The following MARCHF1 variants were observed in gnomAD, a reference collection of about 807,000 sequenced individuals.
MARCHF1 encodes membrane associated ring-CH-type finger 1, also known as E3 ubiquitin-protein ligase MARCHF1.
MARCHF1 carries 40 observed loss-of-function variants against 54.2 expected under a neutral mutation model. That is an observed-to-expected ratio of 0.74 (90% confidence interval 0.57 to 0.96). MARCHF1 has a LOEUF of 0.96. Among genes scored for constraint, MARCHF1 ranks in the 40% least tolerant of loss-of-function variants. The pLI is 0.00. For missense variants in MARCHF1, 586 were observed against 656.5 expected, an observed-to-expected ratio of 0.89 and a Z score of 1.17; for synonymous variants, 236 against 236.3, an observed-to-expected ratio of 1.00 and a Z score of 0.01.
chr4:163,696,612 T>G (rs1478922030), intron 5 of MARCHF1, among the ~76,000 whole-genome samples: 1 of 152,178 alleles, frequency 6.6e-6, no homozygotes, highest in Non-Finnish European at 1.5e-5. Flanking sequence ...CTGAAGATAA[T>G]GCATTCTATT....
At chr4:164,357,490 A>G (rs867198919) in intron 1 of MARCHF1, among the ~76,000 whole-genome samples, 4 of 152,196 alleles carry the variant, frequency 2.6e-5, no homozygotes, top group South Asian at 2.1e-4. Flanking sequence ...TCATATCTGC[A>G]AAGTCACTTT....
At chr4:163,742,018 C>G (rs1264932687) in intron 4 of MARCHF1, among the ~76,000 whole-genome samples, 1 of 152,016 alleles carries the variant, frequency 6.6e-6, no homozygotes, top group Non-Finnish European at 1.5e-5. Context: ...TTTGTGTATG[C>G]CTTACAATGT....
intron 4 of MARCHF1, among the ~76,000 whole-genome samples, chr4:163,704,499 A>G (rs936541690): frequency 2.6e-5 from 4 of 151,890 alleles, no homozygotes; most frequent in African/African-American, 9.7e-5. Context: ...TTGACCTTAA[A>G]TAATAGCTTA....
At chr4:163,587,763 A>G (rs568305013) in intron 7 of MARCHF1, among the ~76,000 whole-genome samples, 29 of 150,952 alleles carry the variant, frequency 1.9e-4, no homozygotes, top group Non-Finnish European at 3.2e-4. Context: ...TCCTGAATCT[A>G]AAACAAAATT....
chr4:164,123,926 C>T (rs1756128059), intron 1 of MARCHF1, among the ~76,000 whole-genome samples: 1 of 152,020 alleles, frequency 6.6e-6, no homozygotes, highest in Admixed American at 6.6e-5. Flanking sequence ...TAAAAAGCTT[C>T]CACACAGCAA....
chr4:163,854,489 C>A (rs148203041), intron 3 of MARCHF1, among the ~76,000 whole-genome samples: 1 of 152,220 alleles, frequency 6.6e-6, no homozygotes, highest in Non-Finnish European at 1.5e-5. Context: ...AACAGTAAGT[C>A]CTTACTTCAA....
intron 1 of MARCHF1, among the ~76,000 whole-genome samples, chr4:164,359,542 A>G (rs1730664739): frequency 6.6e-6 from 1 of 152,034 alleles, no homozygotes; most frequent in Non-Finnish European, 1.5e-5. Flanking sequence ...TCATCATTTC[A>G]TCATCCATAC....
chr4:164,291,414 A>G (rs897068219), intron 1 of MARCHF1, among the ~76,000 whole-genome samples: 1 of 152,032 alleles, frequency 6.6e-6, no homozygotes, highest in African/African-American at 2.4e-5. Flanking sequence ...AAATTATCTC[A>G]TTTGTAGAGA....
intron 3 of MARCHF1, among the ~76,000 whole-genome samples, chr4:163,943,479 A>G (rs1751956867): frequency 6.6e-6 from 1 of 152,108 alleles, no homozygotes; most frequent in Non-Finnish European, 1.5e-5. Flanking sequence ...GCTTTGTTGA[A>G]GGTCAGATGG....
intron 1 of MARCHF1, among the ~76,000 whole-genome samples, chr4:164,257,105 C>T (rs1733309690): frequency 6.6e-6 from 1 of 151,946 alleles, no homozygotes; most frequent in Admixed American, 6.6e-5. Context: ...ATAAACTGTT[C>T]ATCACATAAT....
chr4:163,997,325 C>T (rs574231002), intron 2 of MARCHF1, among the ~76,000 whole-genome samples: 1 of 152,052 alleles, frequency 6.6e-6, no homozygotes, highest in Non-Finnish European at 1.5e-5. Context: ...AAATGGTAAT[C>T]CAGGTGTATT....
chr4:164,376,546 G>C (rs976465507), intron 1 of MARCHF1, among the ~76,000 whole-genome samples: 2 of 152,118 alleles, frequency 1.3e-5, no homozygotes, highest in Non-Finnish European at 2.9e-5. Flanking sequence ...GAGAGTAAAG[G>C]CTAATACAGG....
At chr4:163,810,314 T>C (rs1748348247) in intron 4 of MARCHF1, among the ~76,000 whole-genome samples, 1 of 152,240 alleles carries the variant, frequency 6.6e-6, no homozygotes, top group Non-Finnish European at 1.5e-5. Context: ...AACTCAATAA[T>C]ATTTTTTAAA....
At chr4:163,740,447 A>G (rs1478174920) in intron 4 of MARCHF1, among the ~76,000 whole-genome samples, 2 of 152,180 alleles carry the variant, frequency 1.3e-5, no homozygotes, top group Non-Finnish European at 2.9e-5. Flanking sequence ...ACTTATAGCA[A>G]TAGCAGTACC....
rs192750037 is a variant in MARCHF1 at position 163,664,175 on chromosome 4, C to A, written c.162+36638G>T. 8.5e-5 allele frequency among the ~76,000 whole-genome samples: 13 copies of A among 152,186 alleles called. No individual in the cohort carries two copies. In the East Asian group the frequency reaches 2.5e-3, roughly 30 times the overall value. On this transcript the variant is annotated intron_variant, in intron 5 of 9. Transcript: ENST00000514618. ...TTTAAAGCAAAGAACATGTGTAAGA[C>A]CATCTCTATTTGCCTTTTCCTGAGA...
intron 5 of MARCHF1, among the ~76,000 whole-genome samples, chr4:163,693,889 T>C (rs981351182): frequency 6.6e-6 from 1 of 152,182 alleles, no homozygotes. Flanking sequence ...TGTTGCATAT[T>C]TTCGTTTACC....
chr4:163,890,361 G>A (rs867395041), intron 3 of MARCHF1, among the ~76,000 whole-genome samples: 5 of 80,192 alleles, frequency 6.2e-5, no homozygotes, highest in Admixed American at 3.6e-4. Flanking sequence ...ATATTTAAAT[G>A]GGCTTTCTCT....
At chr4:163,907,824 T>C (rs959858008) in intron 3 of MARCHF1, among the ~76,000 whole-genome samples, 12 of 152,134 alleles carry the variant, frequency 7.9e-5, no homozygotes, top group African/African-American at 2.9e-4. Flanking sequence ...TTTATTACTT[T>C]AGAACGATAT....
intron 5 of MARCHF1, among the ~76,000 whole-genome samples, chr4:163,650,959 T>C (rs146048959): frequency 2.6e-5 from 4 of 152,032 alleles, no homozygotes; most frequent in African/African-American, 9.6e-5. Context: ...AATATGCCTA[T>C]AGTCCTATTT....
Sources: gnomAD v4.1 joint callset for allele counts (sites outside exome capture counted in the v4.1 genomes callset) on GRCh38, gnomAD v4.1.1 for gene constraint, MANE v1.5 for transcripts, NCBI Gene and HGNC (gene_info 2026-07-23, HGNC 2026-07-21) for gene names.